Variants in GRIK1 observed in about 807,000 individuals in gnomAD.
The protein encoded by GRIK1 is glutamate ionotropic receptor kainate type subunit 1, also known as glutamate receptor ionotropic, kainate 1.
Under a neutral mutation model 105.7 loss-of-function variants are expected in GRIK1, and 69 were observed. The ratio of observed to expected loss-of-function variants is 0.65; its 90% CI spans 0.54 to 0.80. The LOEUF (loss-of-function observed/expected upper bound fraction) is 0.80. GRIK1 is among the 30% of genes least tolerant of loss of function. The probability of loss-of-function intolerance (pLI) is 0.00; values close to 1 mark genes in which losing one functional copy is unlikely to be tolerated. For synonymous variants in GRIK1, 438 were observed against 431.3 expected (o/e 1.02, Z -0.19); for missense variants, 1,109 against 1,167.3 (o/e 0.95, Z 0.73).
intron 1 of GRIK1, among the ~76,000 whole-genome samples, chr21:29,864,591 G>A (rs555403782): frequency 1.3e-5 from 2 of 152,078 alleles, no homozygotes; most frequent in African/African-American, 4.8e-5. Context: ...TTATTTGATG[G>A]ATGTTCTATC....
chr21:29,862,282 C>T (rs1426803270), intron 1 of GRIK1, among the ~76,000 whole-genome samples: 1 of 152,214 alleles, frequency 6.6e-6, no homozygotes, highest in African/African-American at 2.4e-5. Context: ...ATCATCACAC[C>T]TGGCCACTTA....
chr21:29,781,657 CTTTTTTTTTTTTTTTTT>C (rs71191125), intron 1 of GRIK1, among the ~76,000 whole-genome samples: 1 of 69,260 alleles, frequency 1.4e-5, no homozygotes, highest in African/African-American at 5.4e-5. Context: ...CCTACTGTTT[CTTTTTTTTTTTTTTTTT>C]TTTTTTTGAG....
intron 1 of GRIK1, among the ~76,000 whole-genome samples, chr21:29,891,399 C>A (rs1463781635): frequency 1.3e-5 from 2 of 152,170 alleles, no homozygotes; most frequent in Non-Finnish European, 2.9e-5. Flanking sequence ...ACTTTATCAA[C>A]ATGCTTTTAC....
At position 29,581,513 on chromosome 21, in the gene GRIK1, G is replaced by T; in HGVS notation, c.1824C>A (p.His608Gln). 1 of 1,610,288 alleles carries T rather than the reference G, an allele frequency of 6.2e-7. No individual in the cohort carries two copies. Among genetic ancestry groups the T allele is most frequent in the Non-Finnish European group, 8.5e-7 (1 of 1,176,594 alleles). The change falls in exon 13 of 18, where the codon CAC (histidine) becomes CAA (glutamine). Residue 608 changes from histidine to glutamine, a missense_variant. This residue lies in a region of GRIK1 where 264 missense variants were observed against 306.9 expected (regional missense o/e 0.86). Transcript: ENST00000327783. Reference protein sequence around the residue: ...RFTPYEWYNPHPCNPDSDVVE... With the variant: ...RFTPYEWYNPQPCNPDSDVVE... Reference sequence around the variant, plus strand: ...CCACGTCTGAGTCAGGGTTGCATGGGTGGGGGTTATACCACTCGTAGGGTG... The same window carrying T: ...CCACGTCTGAGTCAGGGTTGCATGGTTGGGGGTTATACCACTCGTAGGGTG...
intron 1 of GRIK1, among the ~76,000 whole-genome samples, chr21:29,888,050 C>A (rs1569191239): frequency 1.3e-5 from 2 of 151,676 alleles, no homozygotes; most frequent in African/African-American, 4.8e-5. Flanking sequence ...GGGCCTGCTT[C>A]CCCCAACAAC....
intron 1 of GRIK1, among the ~76,000 whole-genome samples, chr21:29,881,093 A>T (rs1033054081): frequency 5.3e-5 from 8 of 152,144 alleles, no homozygotes; most frequent in African/African-American, 1.9e-4. Flanking sequence ...CCCAGAATAG[A>T]TCCTGGCACA....
rs1040852605 is a variant in GRIK1 at position 29,585,922 on chromosome 21, G to A, written c.1793+1444C>T. Among the ~76,000 whole-genome samples, 4 of 152,076 alleles carry A rather than the reference G, an allele frequency of 2.6e-5. 1 individual carries two copies. The highest frequency in any genetic ancestry group is 9.7e-5 in the African/African-American group (4 of 41,398). On this transcript the variant is annotated intron_variant, in intron 12 of 17. Transcript: ENST00000327783. ...ACATTTTGGAGTGAATAATTCTTTT[G>A]GGGGGTACCTGTCCTGTACACCATA...
At chr21:29,734,396 CTT>C (rs2064725044) in intron 1 of GRIK1, among the ~76,000 whole-genome samples, 1 of 95,346 alleles carries the variant, frequency 1.0e-5, no homozygotes, top group African/African-American at 3.5e-5. Flanking sequence ...CTTTTCTTTT[CTT>C]TTCTTTTCTT....
intron 1 of GRIK1, among the ~76,000 whole-genome samples, chr21:29,805,911 A>T (rs1437250122): frequency 2.0e-5 from 3 of 152,188 alleles, no homozygotes; most frequent in African/African-American, 7.2e-5. Context: ...ATCATAAATC[A>T]GCATTTCTCC....
intron 7 of GRIK1, among the ~76,000 whole-genome samples, chr21:29,620,867 ATAT>A (rs1291223657): frequency 6.8e-6 from 1 of 146,822 alleles, no homozygotes; most frequent in African/African-American, 2.5e-5. Context: ...GTAGTTATAT[ATAT>A]TATTTCCTAG....
At chr21:29,618,292 A>T (rs2061897485) in intron 7 of GRIK1, among the ~76,000 whole-genome samples, 1 of 152,206 alleles carries the variant, frequency 6.6e-6, no homozygotes, top group African/African-American at 2.4e-5. Flanking sequence ...ATGAATGCAA[A>T]TCCAAACCAC....
At chr21:29,852,918 A>G (rs1374961353) in intron 1 of GRIK1, among the ~76,000 whole-genome samples, 1 of 152,198 alleles carries the variant, frequency 6.6e-6, no homozygotes, top group Non-Finnish European at 1.5e-5. Flanking sequence ...AACTATGTAG[A>G]GTGTCTAGAT....
intron 16 of GRIK1, among the ~76,000 whole-genome samples, chr21:29,546,407 G>T (rs2090051179): frequency 6.6e-6 from 1 of 152,140 alleles, no homozygotes; most frequent in Non-Finnish European, 1.5e-5. Context: ...TCACCTCCTG[G>T]CCCTTCACCC....
chr21:29,562,310 T>C (rs759690761), intron 14 of GRIK1, among the ~76,000 whole-genome samples: 3 of 152,198 alleles, frequency 2.0e-5, no homozygotes, highest in African/African-American at 4.8e-5. Flanking sequence ...ACTCTTCTCT[T>C]TTCTAGAAAA....
intron 1 of GRIK1, among the ~76,000 whole-genome samples, chr21:29,839,529 AAGAC>A (rs1275478265): frequency 9.2e-5 from 14 of 152,228 alleles, no homozygotes; most frequent in Admixed American, 1.3e-4. Flanking sequence ...TAAAAAATAT[AAGAC>A]AGTTACAAAA....
intron 7 of GRIK1, among the ~76,000 whole-genome samples, chr21:29,639,896 G>A (rs189334424): frequency 6.6e-6 from 1 of 152,234 alleles, no homozygotes; most frequent in Non-Finnish European, 1.5e-5. Context: ...TGTTTCATAT[G>A]TTCTTTAACT....
At chr21:29,669,343 A>G (rs1187333106) in intron 4 of GRIK1, among the ~76,000 whole-genome samples, 1 of 152,236 alleles carries the variant, frequency 6.6e-6, no homozygotes, top group African/African-American at 2.4e-5. Flanking sequence ...CAATGATGGA[A>G]AACGCACATA....
chr21:29,852,416 C>G (rs1318748774), intron 1 of GRIK1, among the ~76,000 whole-genome samples: 1 of 152,190 alleles, frequency 6.6e-6, no homozygotes, highest in Non-Finnish European at 1.5e-5. Flanking sequence ...AGACTAAAAT[C>G]TATGTACTCT....
intron 1 of GRIK1, among the ~76,000 whole-genome samples, chr21:29,828,007 C>CTGTGTG (rs1323680417): frequency 2.4e-5 from 3 of 124,126 alleles, no homozygotes; most frequent in Admixed American, 7.5e-5. Flanking sequence ...CTCTCTGTCT[C>CTGTGTG]TCTCTGTGTG....
Sources: allele counts gnomAD v4.1 joint callset (sites outside exome capture counted in the v4.1 genomes callset), GRCh38; gene constraint gnomAD v4.1.1; regional missense constraint gnomAD v4.1.1; transcripts MANE v1.5; gene names NCBI Gene and HGNC (gene_info 2026-07-23, HGNC 2026-07-21).